Variants in KDM5A observed in about 807,000 individuals in gnomAD.
KDM5A encodes the protein lysine demethylase 5A.
In KDM5A, 42 loss-of-function variants were observed where a neutral mutation model predicts 193.5. The observed-to-expected ratio is 0.22, with a 90% CI of 0.17 to 0.28. The LOEUF (loss-of-function observed/expected upper bound fraction) is 0.28. Among genes scored for constraint, KDM5A ranks in the 10% least tolerant of loss-of-function variants. KDM5A has a pLI of 1.00. For synonymous variants in KDM5A, 796 were observed against 718.1 expected, an observed-to-expected ratio of 1.11 and a Z score of -1.73; for missense variants, 1,692 against 2,055.1, an observed-to-expected ratio of 0.82 and a Z score of 3.42.
At chr12:329,170 A>G (rs571265477) in intron 13 of KDM5A, 141 bp from the exon 14 acceptor site, 22 of 734,044 alleles carry the variant, frequency 3.0e-5, no homozygotes, top group East Asian at 5.4e-5. Context: ...GCAATATTCT[A>G]TTAACTGTAA....
rs1487820370 is a variant in KDM5A at position 283,243 on chromosome 12, C to CA, written c.*2212dup. 6.1e-5 allele frequency: 14 copies of CA among 231,356 alleles called. No homozygotes were observed. Among genetic ancestry groups the CA allele is most frequent in the Non-Finnish European group, 1.7e-5 (2 of 116,734 alleles). The allele number at this position is 231,356 out of a possible 1,614,324, so 14.3% of individuals were successfully genotyped here. A position where few individuals can be genotyped will look rare whatever the true frequency, so the allele number is the denominator to read the frequency against. ...GACTGTTACAAAGAAGATCAACAGG[C>CA]AAAAAATATTGTGCTTTCTTGTATA... On this transcript the variant is annotated 3_prime_UTR_variant, in exon 28 of 28. Coordinates refer to ENST00000399788, the MANE Select transcript of KDM5A (RefSeq NM_001042603.3).
intron 8 of KDM5A, 34 bp from the exon 9 acceptor site, chr12:352,358 G>A (rs2137451731): frequency 6.3e-7 from 1 of 1,596,152 alleles, no homozygotes; most frequent in Non-Finnish European, 8.6e-7. Context: ...TTAACTTACT[G>A]AAACTAAACT....
chr12:341,043 T>C (rs1157563206), intron 10 of KDM5A, among the ~76,000 whole-genome samples: 3 of 152,204 alleles, frequency 2.0e-5, no homozygotes. Flanking sequence ...ATTCTTAATA[T>C]TAGTTACTTA....
intron 10 of KDM5A, among the ~76,000 whole-genome samples, chr12:345,862 G>A (rs138804643): frequency 0.011 from 1,715 of 152,172 alleles, 13 homozygotes; most frequent in Non-Finnish European, 0.017. Flanking sequence ...AAGAACTAGA[G>A]AAGCAAGAGC....
intron 15 of KDM5A, 30 bp from the exon 16 acceptor site, chr12:323,236 A>AAG: frequency 2.0e-6 from 3 of 1,500,444 alleles, no homozygotes; most frequent in African/African-American, 1.4e-5. Flanking sequence ...AAAAAAAAAA[A>AAG]AAAGAAAACA....
chr12:310,406 G>GC, intron 21 of KDM5A, among the ~76,000 whole-genome samples: 1 of 152,138 alleles, frequency 6.6e-6, no homozygotes. Context: ...TGAGGCGGGC[G>GC]CATCACTTGA....
intron 3 of KDM5A, among the ~76,000 whole-genome samples, chr12:372,774 C>T (rs1944446277): frequency 6.6e-6 from 1 of 152,122 alleles, no homozygotes; most frequent in African/African-American, 2.4e-5. Context: ...CCATCAATAC[C>T]TAATTTATTG....
Position 297,196 on chromosome 12 carries a change from G to C in KDM5A, c.4079C>G (p.Thr1360Arg). 1.2e-6 allele frequency: 2 copies of C among 1,613,892 alleles called. No individual in the cohort carries two copies. The highest frequency in any genetic ancestry group is 3.3e-4 in the Middle Eastern group (2 of 6,060). The change falls in exon 25 of 28, where the codon ACA (threonine) becomes AGA (arginine). Residue 1360 changes from threonine (T) to arginine (R), a missense_variant. Thr to Arg is a moderately conservative substitution (Grantham distance 71). Around this residue, in one of 11 missense-constraint regions of KDM5A, gnomAD observed 965 missense variants for 1,061.0 expected, o/e 0.91. Coordinates refer to ENST00000399788, the MANE Select transcript of KDM5A (RefSeq NM_001042603.3). Reference sequence around the variant, plus strand: ...ACTACTAGAGGACTTCACACTGGCTGTGTCCTGAAGAAGAAACAAAGAGAA... The same window carrying C: ...ACTACTAGAGGACTTCACACTGGCTCTGTCCTGAAGAAGAAACAAAGAGAA... ...RETYGYDMKDTASVKSSSSLE... is the reference protein window; with the variant it reads ...RETYGYDMKDRASVKSSSSLE...
intron 3 of KDM5A, among the ~76,000 whole-genome samples, chr12:374,471 G>T (rs1186237976): frequency 1.3e-5 from 2 of 152,142 alleles, no homozygotes; most frequent in Non-Finnish European, 2.9e-5. Flanking sequence ...GTGTGTCTCT[G>T]CATGTGAGAT....
intron 9 of KDM5A, 119 bp downstream of exon 9, chr12:352,086 A>C (rs1198372576): frequency 3.2e-6 from 3 of 948,258 alleles, no homozygotes; most frequent in East Asian, 5.1e-5. Flanking sequence ...CCTGGGCGAC[A>C]AAGCAAGACT....
chr12:362,899 C>T lies in KDM5A; in HGVS notation c.672+64G>A, dbSNP rs927826210. 3.3e-6 allele frequency: 5 copies of T among 1,509,556 alleles called. No individual in the cohort carries two copies. The African/African-American group carries it at 5.5e-5, about 17-fold the overall frequency. The allele number at this position is 1,509,556 out of a possible 1,614,324, so 93.5% of individuals were successfully genotyped here. ...CTTGAGCCAAGGAGTTCAAGGCTAGCCTGGGCAACATCAGGAGACTACATC... is the reference window on the plus strand; with the variant it reads ...CTTGAGCCAAGGAGTTCAAGGCTAGTCTGGGCAACATCAGGAGACTACATC... On this transcript the variant is annotated intron_variant, in intron 5 of 27. Transcript: ENST00000399788.
At chr12:367,720 C>G (rs1457139715) in intron 3 of KDM5A, among the ~76,000 whole-genome samples, 1 of 150,270 alleles carries the variant, frequency 6.7e-6, no homozygotes, top group Admixed American at 6.6e-5. Flanking sequence ...AAAAATTAAC[C>G]AGGCAGGTGG....
rs983883183 is a variant in KDM5A at position 284,108 on chromosome 12, G to C, written c.*1348C>G. ...ATGGAGGAGGGAGTGCTAACTCCTT[G>C]TACTACAAAGAAGGAATGGGATTTT... On this transcript the variant is annotated 3_prime_UTR_variant, in exon 28 of 28. Coordinates refer to ENST00000399788, the MANE Select transcript of KDM5A (RefSeq NM_001042603.3). 1.3e-5 allele frequency: 3 copies of C among 231,508 alleles called. No homozygotes were observed. Among genetic ancestry groups the C allele is most frequent in the Admixed American group, 5.7e-5 (1 of 17,698 alleles). 14.3% of individuals were successfully genotyped at this position (231,508 alleles called of 1,614,324 possible). A position where few individuals can be genotyped will look rare whatever the true frequency, so the allele number is the denominator to read the frequency against.
Position 307,185 on chromosome 12 carries a change from CAA to C in KDM5A, c.3931-98_3931-97del. ...AGATCACCAAAATGTAATGAATAAG[CAA>C]AGTGGCTAACAGAGTTCTTCAACAG... On this transcript the variant is annotated intron_variant, in intron 23 of 27. Transcript: ENST00000399788. The surrounding 1 kb of genome is among the most constrained non-coding windows in gnomAD (Gnocchi z 4.3). 1 of 1,423,858 alleles carries C rather than the reference CAA, an allele frequency of 7.0e-7. No individual in the cohort carries two copies. The highest frequency in any genetic ancestry group is 9.8e-7 in the Non-Finnish European group (1 of 1,015,810). 88.2% of individuals were successfully genotyped at this position (1,423,858 alleles called of 1,614,324 possible).
At chr12:386,554 T>A (rs996727921) in intron 1 of KDM5A, among the ~76,000 whole-genome samples, 1 of 152,000 alleles carries the variant, frequency 6.6e-6, no homozygotes, top group Non-Finnish European at 1.5e-5. Flanking sequence ...ATGAAAAAAA[T>A]AATCTGTTCA....
At chr12:347,146 T>G (rs1944088826) in intron 10 of KDM5A, among the ~76,000 whole-genome samples, 2 of 152,036 alleles carry the variant, frequency 1.3e-5, no homozygotes, top group Non-Finnish European at 2.9e-5. Flanking sequence ...AAATCATGAG[T>G]GAACTCCCAT....
At chr12:336,043 CAAAAAAAAAAAAA>C (rs753624871) in intron 10 of KDM5A, among the ~76,000 whole-genome samples, 1 of 42,012 alleles carries the variant, frequency 2.4e-5, no homozygotes, top group South Asian at 8.1e-4. Flanking sequence ...TACTTCATCT[CAAAAAAAAAAAAA>C]AAAAAAAAAA....
chr12:283,109 T>G lies in KDM5A; in HGVS notation c.*2347A>C, dbSNP rs758597610. On this transcript the variant is annotated 3_prime_UTR_variant, in exon 28 of 28. Coordinates refer to ENST00000399788, the MANE Select transcript of KDM5A (RefSeq NM_001042603.3). The stretch of plus-strand genomic sequence containing the variant: ...CAGCATCCTCATGACTCTCCACTGA[T>G]AGTGGAATAGTTAATGGATGATTAG... 4.3e-6 allele frequency: 1 copy of G among 230,916 alleles called. No homozygotes were observed. The highest frequency in any genetic ancestry group is 8.6e-6 in the Non-Finnish European group (1 of 116,708). 14.3% of individuals were successfully genotyped at this position (230,916 alleles called of 1,614,324 possible).
intron 1 of KDM5A, chr12:388,366 A>G (rs1944673735): frequency 4.5e-6 from 2 of 447,766 alleles, no homozygotes; most frequent in South Asian, 1.6e-5. Flanking sequence ...CTATAAACCA[A>G]TTTTTCCTAA....
Sources: gnomAD v4.1 joint callset for allele counts (sites outside exome capture counted in the v4.1 genomes callset) on GRCh38, gnomAD v4.1.1 for gene constraint, gnomAD v4.1.1 regional missense constraint, Gnocchi (gnomAD v3.1) non-coding constraint, MANE v1.5 for transcripts, NCBI Gene and HGNC (gene_info 2026-07-23, HGNC 2026-07-21) for gene names.